Variants in XRCC4 observed in about 807,000 individuals in gnomAD.
XRCC4 encodes X-ray repair cross complementing 4, also known as DNA repair protein XRCC4.
A neutral mutation model predicts 39.1 loss-of-function variants in XRCC4; 28 were observed. The ratio of observed to expected loss-of-function variants is 0.72; its 90% CI spans 0.53 to 0.98. XRCC4 has a LOEUF of 0.98. Ranked by LOEUF, XRCC4 falls within the 50% of genes least tolerant of loss-of-function variation. The probability of loss-of-function intolerance (pLI) is 0.00; values close to 1 mark genes in which losing one functional copy is unlikely to be tolerated. For missense variants in XRCC4, 350 were observed against 376.4 expected (o/e 0.93, Z 0.58); for synonymous variants, 123 against 126.4 (o/e 0.97, Z 0.18).
At chr5:83,117,631 ATGTGTGTGTGTGTGTGTGTGTGTGTG>A (rs70973379) in intron 3 of XRCC4, among the ~76,000 whole-genome samples, 520 of 145,992 alleles carry the variant, frequency 3.6e-3, no homozygotes, top group African/African-American at 0.012. Flanking sequence ...CTACATATAT[ATGTGTGTGTGTGTGTGTGTGTGTGTG>A]TGTGTGTGTG....
chr5:83,122,243 T>C (rs1747045435), intron 3 of XRCC4, among the ~76,000 whole-genome samples: 1 of 152,194 alleles, frequency 6.6e-6, no homozygotes, highest in South Asian at 2.1e-4. Context: ...TGAGGATGCA[T>C]TGGATCTACA....
downstream of XRCC4, among the ~76,000 whole-genome samples, chr5:83,358,066 T>G (rs139281026): frequency 6.6e-6 from 1 of 152,284 alleles, no homozygotes; most frequent in East Asian, 1.9e-4. Context: ...TTGTAGCTAT[T>G]GTCTGAATTT....
At chr5:83,120,015 AC>A (rs201137567) in intron 3 of XRCC4, among the ~76,000 whole-genome samples, 7,772 of 147,544 alleles carry the variant, frequency 0.053, 849 homozygotes, top group African/African-American at 0.19. Flanking sequence ...AAAAAAAAAA[AC>A]AATAACAGAA....
chr5:83,191,443 G>A (rs895657383), intron 3 of XRCC4, among the ~76,000 whole-genome samples: 11 of 152,122 alleles, frequency 7.2e-5, no homozygotes, highest in African/African-American at 2.2e-4. Context: ...AGTGGCCCAC[G>A]CCTGTAATCT....
chr5:83,114,811 C>T (rs1025087837), intron 3 of XRCC4, among the ~76,000 whole-genome samples: 12 of 152,084 alleles, frequency 7.9e-5, no homozygotes, highest in Admixed American at 4.6e-4. Flanking sequence ...TCCAGTCTAC[C>T]GGTACCAATT....
intron 3 of XRCC4, among the ~76,000 whole-genome samples, chr5:83,151,388 T>C (rs1748695003): frequency 1.3e-5 from 2 of 152,134 alleles, no homozygotes; most frequent in Non-Finnish European, 2.9e-5. Flanking sequence ...AAAAGTGCCA[T>C]ATAAAAAGGA....
At chr5:83,178,801 C>T (rs1487021438) in intron 3 of XRCC4, among the ~76,000 whole-genome samples, 1 of 152,116 alleles carries the variant, frequency 6.6e-6, no homozygotes, top group Admixed American at 6.6e-5. Context: ...TTTTCATGAC[C>T]TGGTCTTGGG....
chr5:83,105,899 GT>G (rs1051704461), intron 2 of XRCC4, among the ~76,000 whole-genome samples: 5 of 151,532 alleles, frequency 3.3e-5, no homozygotes, highest in African/African-American at 1.2e-4. Context: ...TTATTATATC[GT>G]CTTTAAAATT....
At chr5:83,320,332 A>G (rs931496369) in intron 7 of XRCC4, among the ~76,000 whole-genome samples, 1 of 150,348 alleles carries the variant, frequency 6.7e-6, no homozygotes, top group Non-Finnish European at 1.5e-5. Context: ...CAATGTGCAC[A>G]TGTACCCTAA....
At chr5:83,251,512 A>C (rs1001694375) in intron 6 of XRCC4, among the ~76,000 whole-genome samples, 1 of 142,526 alleles carries the variant, frequency 7.0e-6, no homozygotes, top group Admixed American at 7.5e-5. Context: ...CGACAGAACG[A>C]GACTCCGTCT....
At chr5:83,132,434 C>G (rs1235553445) in intron 3 of XRCC4, among the ~76,000 whole-genome samples, 2 of 152,076 alleles carry the variant, frequency 1.3e-5, no homozygotes, top group Admixed American at 1.3e-4. Flanking sequence ...GCCTTCCTTG[C>G]TAGGTTGGGG....
chr5:83,190,828 C>T (rs990841833), intron 3 of XRCC4, among the ~76,000 whole-genome samples: 1 of 152,072 alleles, frequency 6.6e-6, no homozygotes, highest in African/African-American at 2.4e-5. Context: ...TAATTATTTT[C>T]AAATCTATGT....
At chr5:83,223,405 A>G (rs1752162045) in intron 6 of XRCC4, among the ~76,000 whole-genome samples, 2 of 152,066 alleles carry the variant, frequency 1.3e-5, no homozygotes, top group South Asian at 4.2e-4. Flanking sequence ...TGTTGGGTGC[A>G]GATATAACAA....
At chr5:83,209,786 A>G (rs1249060129) in intron 6 of XRCC4, among the ~76,000 whole-genome samples, 1 of 152,110 alleles carries the variant, frequency 6.6e-6, no homozygotes, top group African/African-American at 2.4e-5. Flanking sequence ...CATTACTAAA[A>G]TACAAATAAG....
At chr5:83,134,565 A>G (rs1047663397) in intron 3 of XRCC4, among the ~76,000 whole-genome samples, 3 of 152,172 alleles carry the variant, frequency 2.0e-5, no homozygotes, top group African/African-American at 7.2e-5. Context: ...TGTAAAATGG[A>G]CCAATCAGCT....
intron 7 of XRCC4, among the ~76,000 whole-genome samples, chr5:83,289,488 T>A (rs1341841720): frequency 6.6e-6 from 1 of 151,878 alleles, no homozygotes; most frequent in African/African-American, 2.4e-5. Context: ...TTGTCCTTGC[T>A]TTTGTCTCTG....
In XRCC4 at chr5:83,117,923, T is replaced by C. The variant is rs137894105; in HGVS notation, c.315+6720T>C. Among the ~76,000 whole-genome samples the C allele has an allele frequency of 9.4e-3, 1,435 of 151,908 alleles. 4 individuals carry two copies. The highest frequency in any genetic ancestry group is 0.016 in the Non-Finnish European group (1,055 of 67,948). ...CTGGACCCCCTGACCAGCCCCAGTA[T>C]GCATTGTGCCCCTCCCTGTGTTCAT... On this transcript the variant is annotated intron_variant, in intron 3 of 7. Transcript: ENST00000396027.
chr5:83,137,079 T>A (rs1189470296), intron 3 of XRCC4, among the ~76,000 whole-genome samples: 4 of 152,136 alleles, frequency 2.6e-5, no homozygotes, highest in African/African-American at 9.7e-5. Flanking sequence ...AAAAATCCAG[T>A]TTTTATTTAT....
chr5:83,112,653 C>G (rs2112407381), intron 3 of XRCC4, among the ~76,000 whole-genome samples: 1 of 152,218 alleles, frequency 6.6e-6, no homozygotes, highest in Middle Eastern at 3.4e-3. Flanking sequence ...ACTCACAGTT[C>G]CATATGGCTG....
Sources: gnomAD v4.1 joint callset for allele counts (sites outside exome capture counted in the v4.1 genomes callset) on GRCh38, gnomAD v4.1.1 for gene constraint, MANE v1.5 for transcripts, NCBI Gene and HGNC (gene_info 2026-07-23, HGNC 2026-07-21) for gene names.